LARP4B: variants seen among roughly 807,000 people sequenced by gnomAD.
LARP4B encodes La ribonucleoprotein 4B.
A neutral mutation model predicts 89.8 loss-of-function variants in LARP4B; 12 were observed. The ratio of observed to expected loss-of-function variants is 0.13; its 90% confidence interval spans 0.09 to 0.22. The LOEUF (loss-of-function observed/expected upper bound fraction) is 0.22, where lower values mean the gene tolerates loss of function less well. Ranked by LOEUF, LARP4B falls within the 10% of genes least tolerant of loss-of-function variation. The pLI, the probability that LARP4B is intolerant of heterozygous loss-of-function variation, is 1.00. For missense variants in LARP4B, 757 were observed against 947.7 expected (o/e 0.80, Z 2.64); for synonymous variants, 367 against 363.3 (o/e 1.01, Z -0.12).
chr10:929,256 A>C (rs1837235807), intron 1 of LARP4B, among the ~76,000 whole-genome samples: 1 of 151,806 alleles, frequency 6.6e-6, no homozygotes, highest in South Asian at 2.1e-4. Context: ...AAACAAAAAC[A>C]AAACTTTCTG....
At chr10:952,277 T>G in the LARP4B span, among the ~76,000 whole-genome samples, 3 of 142,408 alleles carry the variant, frequency 2.1e-5, no homozygotes, top group Non-Finnish European at 4.5e-5. Context: ...GAGGTGGAGC[T>G]TGCAGTGAGC....
chr10:948,624 A>G, the LARP4B span, among the ~76,000 whole-genome samples: 22 of 152,292 alleles, frequency 1.4e-4, no homozygotes, highest in Non-Finnish European at 2.9e-4. Flanking sequence ...GTCCACCCCC[A>G]CAGGACCTTC....
At chr10:905,464 C>A (rs1836463189) in intron 1 of LARP4B, among the ~76,000 whole-genome samples, 1 of 152,138 alleles carries the variant, frequency 6.6e-6, no homozygotes, top group Non-Finnish European at 1.5e-5. Flanking sequence ...GAAGTCAAGA[C>A]AAGGAATCTA....
At chr10:836,046 T>C (rs564833666) in intron 8 of LARP4B, among the ~76,000 whole-genome samples, 2 of 151,162 alleles carry the variant, frequency 1.3e-5, no homozygotes, top group African/African-American at 2.4e-5. Context: ...CCCTTTGTCA[T>C]AGAAATACTT....
At chr10:984,674 C>A in the LARP4B span, among the ~76,000 whole-genome samples, 3 of 152,068 alleles carry the variant, frequency 2.0e-5, no homozygotes, top group African/African-American at 7.2e-5. Flanking sequence ...AGCATATGAC[C>A]CCAAGTGCAA....
At chr10:893,795 T>C (rs1215251180) in intron 1 of LARP4B, among the ~76,000 whole-genome samples, 1 of 152,148 alleles carries the variant, frequency 6.6e-6, no homozygotes, top group Admixed American at 6.5e-5. Flanking sequence ...CCAATAGCCA[T>C]GCACGGAGCC....
At chr10:960,570 T>C in the LARP4B span, among the ~76,000 whole-genome samples, 3 of 151,576 alleles carry the variant, frequency 2.0e-5, no homozygotes, top group Admixed American at 6.6e-5. Flanking sequence ...ATTAGCTGGG[T>C]GTGGTAGCAC....
chr10:874,321 T>TA (rs762945041), intron 3 of LARP4B, among the ~76,000 whole-genome samples: 1 of 152,156 alleles, frequency 6.6e-6, no homozygotes, highest in Non-Finnish European at 1.5e-5. Flanking sequence ...TTCATGGTAT[T>TA]ATTCGCTCCA....
intron 1 of LARP4B, among the ~76,000 whole-genome samples, chr10:928,576 C>A (rs1429103390): frequency 6.6e-6 from 1 of 152,070 alleles, no homozygotes; most frequent in Non-Finnish European, 1.5e-5. Context: ...TTTGATGTCC[C>A]AATTTGCATG....
chr10:821,030 T>A (rs189478864), intron 13 of LARP4B, 185 bp from the exon 14 acceptor site: 31 of 596,346 alleles, frequency 5.2e-5, no homozygotes, highest in Non-Finnish European at 8.6e-5. Flanking sequence ...CAACACAAAG[T>A]TGACAGCAAG....
the LARP4B span, chr10:987,443 G>C: frequency 3.3e-5 from 5 of 152,388 alleles, no homozygotes; most frequent in South Asian, 1.0e-3. Context: ...TTAGAAGCAG[G>C]TTTGCTGGAG....
rs1831745402 is a variant in LARP4B, at chr10:811,578, G to C, written c.*1348C>G. 6.6e-6 allele frequency: 1 copy of C among 152,558 alleles called. No homozygotes were observed. The highest frequency in any genetic ancestry group is 1.5e-5 in the Non-Finnish European group (1 of 68,052). 9.5% of individuals were successfully genotyped at this position (152,558 alleles called of 1,614,324 possible). On this transcript the variant is annotated 3_prime_UTR_variant, in exon 18 of 18. Transcript: ENST00000316157. ...CGCCAACCCAGGGCCGGGCTCCATG[G>C]ACTCTAAGCTGTCTTATACAAAAGT...
At chr10:909,011 G>T (rs372028705) in intron 1 of LARP4B, among the ~76,000 whole-genome samples, 1 of 152,114 alleles carries the variant, frequency 6.6e-6, no homozygotes, top group African/African-American at 2.4e-5. Flanking sequence ...ATTCCAAGTT[G>T]CGGCCAGGCG....
intron 6 of LARP4B, among the ~76,000 whole-genome samples, chr10:844,292 G>T (rs72778206): frequency 0.011 from 1,743 of 152,300 alleles, 18 homozygotes; most frequent in Non-Finnish European, 0.015. Flanking sequence ...GTCATGGTGC[G>T]GTATTCTCAG....
the LARP4B span, among the ~76,000 whole-genome samples, chr10:983,078 C>T: frequency 1.3e-5 from 2 of 152,136 alleles, no homozygotes; most frequent in Admixed American, 1.3e-4. Context: ...GTCATAGGTT[C>T]GGATTTTCTA....
chr10:907,409 T>C (rs1458289422), intron 1 of LARP4B, among the ~76,000 whole-genome samples: 2 of 152,244 alleles, frequency 1.3e-5, no homozygotes, highest in African/African-American at 2.4e-5. Context: ...AAAATTACTT[T>C]GAGTTAATTT....
chr10:938,076 GTTTC>G, the LARP4B span, among the ~76,000 whole-genome samples: 1 of 151,246 alleles, frequency 6.6e-6, no homozygotes, highest in African/African-American at 2.4e-5. Flanking sequence ...AGTAGACAGG[GTTTC>G]TTCATGTTGT....
chr10:938,386 G>A, the LARP4B span, among the ~76,000 whole-genome samples: 11 of 152,060 alleles, frequency 7.2e-5, no homozygotes, highest in South Asian at 2.1e-4. Context: ...GAGTAGCTGG[G>A]ACTACAGGTG....
At chr10:969,583 A>G in the LARP4B span, among the ~76,000 whole-genome samples, 1 of 152,150 alleles carries the variant, frequency 6.6e-6, no homozygotes, top group Non-Finnish European at 1.5e-5. Context: ...TACAGAAATT[A>G]GCCAGGCGTG....
Sources: gnomAD v4.1 joint callset for allele counts (sites outside exome capture counted in the v4.1 genomes callset) on GRCh38, gnomAD v4.1.1 for gene constraint, MANE v1.5 for transcripts, NCBI Gene and HGNC (gene_info 2026-07-23, HGNC 2026-07-21) for gene names.